MEI1: variants seen among roughly 807,000 people sequenced by gnomAD.
The protein encoded by MEI1 is meiotic double-stranded break formation protein 1.
A neutral mutation model predicts 146.2 loss-of-function variants in MEI1; 103 were observed. The ratio of observed to expected loss-of-function variants is 0.70; its 90% confidence interval spans 0.60 to 0.83. The LOEUF (loss-of-function observed/expected upper bound fraction) is 0.83. Ranked by LOEUF, MEI1 falls within the 40% of genes least tolerant of loss-of-function variation. MEI1 has a pLI of 0.00. For synonymous variants in MEI1, 652 were observed against 628.2 expected, an observed-to-expected ratio of 1.04 and a Z score of -0.57; for missense variants, 1,529 against 1,533.0, an observed-to-expected ratio of 1.00 and a Z score of 0.04.
intron 24 of MEI1, among the ~76,000 whole-genome samples, chr22:41,782,629 A>T (rs1447094340): frequency 6.6e-6 from 1 of 152,228 alleles, no homozygotes; most frequent in Admixed American, 6.5e-5. Context: ...CAGAAGTGAC[A>T]TGAGTTTTAA....
At chr22:41,702,880 C>A (rs73424981) in intron 1 of MEI1, among the ~76,000 whole-genome samples, 4 of 151,978 alleles carry the variant, frequency 2.6e-5, no homozygotes. Context: ...CCACCATGCC[C>A]GAGTAATTTT....
intron 1 of MEI1, among the ~76,000 whole-genome samples, chr22:41,700,258 G>T (rs1242428462): frequency 6.6e-6 from 1 of 152,228 alleles, no homozygotes; most frequent in Non-Finnish European, 1.5e-5. Flanking sequence ...GGGTGAACGG[G>T]AAGACTGTTC....
At chr22:41,710,909 GTGT>G (rs1569150826) in intron 3 of MEI1, among the ~76,000 whole-genome samples, 2 of 152,190 alleles carry the variant, frequency 1.3e-5, no homozygotes, top group African/African-American at 4.8e-5. Flanking sequence ...GGGAAAGTCC[GTGT>G]TGTTGAGCCC....
chr22:41,722,774 G>A lies in MEI1; in HGVS notation c.734-1169G>A, dbSNP rs117518058. On this transcript the variant is annotated intron_variant, in intron 6 of 30. Transcript: ENST00000401548. ...TTAGATGATTCATTTGATTTCCTGCGGTCCTCTGGGCTTTTTTCCACATTA... is the reference window on the plus strand; with the variant it reads ...TTAGATGATTCATTTGATTTCCTGCAGTCCTCTGGGCTTTTTTCCACATTA... Among the ~76,000 whole-genome samples, 549 of 151,956 alleles carry A rather than the reference G, an allele frequency of 3.6e-3. 5 individuals are homozygous for A. The highest frequency in any genetic ancestry group is 5.5e-3 in the Non-Finnish European group (373 of 67,962).
intron 6 of MEI1, among the ~76,000 whole-genome samples, chr22:41,719,127 C>T (rs1401751768): frequency 1.3e-5 from 2 of 151,934 alleles, no homozygotes; most frequent in South Asian, 2.1e-4. Flanking sequence ...GGACTACAGG[C>T]GCCTGCCACC....
chr22:41,797,886 T>G lies in MEI1; in HGVS notation c.3780-1368T>G, dbSNP rs1410694802. 2.0e-5 allele frequency among the ~76,000 whole-genome samples: 3 copies of G among 152,154 alleles called. No homozygotes were observed. The East Asian group carries it at 5.8e-4, about 29-fold the overall frequency. On this transcript the variant is annotated intron_variant, in intron 30 of 30. Coordinates refer to ENST00000401548, the MANE Select transcript of MEI1 (RefSeq NM_152513.4). Reference sequence around the variant, plus strand: ...AAAACAGCTCCTGGCTTGGTGTGAATGTTATATTGGTGTCTGTTATTATTC... The same window carrying G: ...AAAACAGCTCCTGGCTTGGTGTGAAGGTTATATTGGTGTCTGTTATTATTC...
At chr22:41,718,992 T>G (rs1027804682) in intron 6 of MEI1, among the ~76,000 whole-genome samples, 3 of 147,944 alleles carry the variant, frequency 2.0e-5, no homozygotes, top group Non-Finnish European at 4.5e-5. Flanking sequence ...TTTTTTTTTT[T>G]TTTTTTTTGA....
chr22:41,778,182 A>C (rs2075566151), intron 21 of MEI1, among the ~76,000 whole-genome samples: 1 of 152,172 alleles, frequency 6.6e-6, no homozygotes, highest in African/African-American at 2.4e-5. Context: ...CACATGACAG[A>C]AGGGGTGAGG....
chr22:41,776,301 C>G, intron 21 of MEI1, 34 bp downstream of exon 21: 7 of 1,610,146 alleles, frequency 4.3e-6, no homozygotes, highest in Non-Finnish European at 5.9e-6. Context: ...ACACTTTGAC[C>G]TGAAAGCCAG....
Position 41,744,989 on chromosome 22 carries a change from G to C in MEI1, c.1463G>C (p.Arg488Thr). Residue 488 changes from arginine (R) to threonine (T), a missense_variant, in exon 13 of 31, where the codon AGA (arginine) becomes ACA (threonine). This residue lies in a region of MEI1 where 1,212 missense variants were observed against 1,178.9 expected (regional missense o/e 1.03). Coordinates refer to ENST00000401548, the MANE Select transcript of MEI1 (RefSeq NM_152513.4). Reference sequence around the variant, plus strand: ...CCACCTCAGGGCCATGCCTCCAGTAGAGATTCAGAGAAGGCCATTCTTCAA... The same window carrying C: ...CCACCTCAGGGCCATGCCTCCAGTACAGATTCAGAGAAGGCCATTCTTCAA... ...SRRPLGHASS[R>T]DSEKAILQRG... The C allele has an allele frequency of 1.3e-6, 2 of 1,558,674 alleles. No individual in the cohort carries two copies. Among genetic ancestry groups the C allele is most frequent in the South Asian group, 1.2e-5 (1 of 83,434 alleles).
At chr22:41,778,646 T>G (rs773052112) in intron 21 of MEI1, 62 bp from the exon 22 acceptor site, 4 of 1,282,106 alleles carry the variant, frequency 3.1e-6, no homozygotes, top group Non-Finnish European at 4.4e-6. Context: ...CAGGGCAGGG[T>G]GTCTGACCTT....
Position 41,716,084 on chromosome 22 carries a change from CCCTT to C in MEI1, c.469_472del (p.Leu158AlafsTer15). ...ATGCGAGGCAGCCTGGCCACCCTGACCCTTCTTGGCAAGTTGGTGGATGCCATCC... is the reference window on the plus strand; with the variant it reads ...ATGCGAGGCAGCCTGGCCACCCTGACCTTGGCAAGTTGGTGGATGCCATCC... On this transcript the variant is annotated frameshift_variant, in exon 5 of 31. Transcript: ENST00000401548. LOFTEE classifies it high-confidence loss of function. 6.2e-7 allele frequency: 1 copy of C among 1,612,070 alleles called. No individual in the cohort carries two copies. Among genetic ancestry groups the C allele is most frequent in the Non-Finnish European group, 8.5e-7 (1 of 1,179,164 alleles).
chr22:41,794,355 C>T lies in MEI1; in HGVS notation c.3428-16C>T. 6.2e-7 allele frequency: 1 copy of T among 1,607,500 alleles called. No individual in the cohort carries two copies. The highest frequency in any genetic ancestry group is 8.5e-7 in the Non-Finnish European group (1 of 1,173,982). ...GCAAGGTCTTGGAAGCATTAACAAC[C>T]CAGTGTTTCTTGAAGCTCTCCACGT... On this transcript the variant is annotated splice_polypyrimidine_tract_variant and intron_variant, in intron 27 of 30. Coordinates refer to ENST00000401548, the MANE Select transcript of MEI1 (RefSeq NM_152513.4).
In MEI1 at chr22:41,758,522, C is replaced by G. The variant is rs1242144309; in HGVS notation, c.2109C>G (p.Ile703Met). 1 of 1,612,640 alleles carries G rather than the reference C, an allele frequency of 6.2e-7. No homozygotes were observed. The highest frequency in any genetic ancestry group is 8.5e-7 in the Non-Finnish European group (1 of 1,179,224). The change falls in exon 18 of 31, where the codon ATC becomes ATG. Residue 703 changes from isoleucine to methionine, a missense_variant. Physicochemically the swap from Ile to Met is conservative, Grantham distance 10 (BLOSUM62 1). Transcript: ENST00000401548. The part of the protein sequence containing the change: ...CILLLFYLAY[I>M]HEDRFVSEAE... ...TGCTCCTCTTCTACTTGGCCTACAT[C>G]CATGAAGACAGGTCAGTGCACAGAG...
chr22:41,747,969 T>G (rs2073455788), intron 14 of MEI1, 138 bp from the exon 15 acceptor site: 1 of 641,920 alleles, frequency 1.6e-6, no homozygotes, highest in Non-Finnish European at 2.8e-6. Flanking sequence ...AGATGTAGGT[T>G]TGGACTTTAA....
rs1270360994 is a variant in MEI1 at position 41,699,722 on chromosome 22, G to C, written c.174+10G>C. 1.3e-6 allele frequency: 2 copies of C among 1,550,544 alleles called. No individual in the cohort carries two copies. The highest frequency in any genetic ancestry group is 2.7e-5 in the African/African-American group (2 of 73,316). ...GGACCCCGGCGTGTCGGTGCGGGCG[G>C]AACCTTTTCTTCAGAAGACCTGGGT... On this transcript the variant is annotated intron_variant, in intron 1 of 30. Coordinates refer to ENST00000401548, the MANE Select transcript of MEI1 (RefSeq NM_152513.4).
intron 21 of MEI1, among the ~76,000 whole-genome samples, 184 bp downstream of exon 21, chr22:41,776,451 A>G (rs539519375): frequency 6.6e-6 from 1 of 152,372 alleles, no homozygotes; most frequent in African/African-American, 2.4e-5. Context: ...GGCGTACAAC[A>G]TGCTTGGTTT....
Position 41,745,935 on chromosome 22 carries a change from C to T in MEI1, c.1589C>T (p.Thr530Ile), listed in dbSNP as rs780731130. 1 of 1,613,538 alleles carries T rather than the reference C, an allele frequency of 6.2e-7. No homozygotes were observed. The highest frequency in any genetic ancestry group is 1.1e-5 in the South Asian group (1 of 91,048). ...SEPSAQENPF[T>I]APSAKKEDTL... The stretch of plus-strand genomic sequence containing the variant: ...CCTTCAGCCCAGGAGAATCCATTCA[C>T]AGCTCCCAGCGCCAAGAAGGAAGAC... Residue 530 changes from threonine (T) to isoleucine (I), a missense_variant, in exon 14 of 31, where the codon ACA becomes ATA. By Grantham distance (89) the Thr-to-Ile change is moderately conservative. Transcript: ENST00000401548.
rs367857762 is a variant in MEI1, at chr22:41,730,427, T to C, written c.980-94T>C. 35 of 779,448 alleles carry C rather than the reference T, an allele frequency of 4.5e-5. 1 individual carries two copies. Among genetic ancestry groups the C allele is most frequent in the East Asian group, 2.3e-4 (9 of 39,066 alleles). 48.3% of individuals were successfully genotyped at this position (779,448 alleles called of 1,614,324 possible). ...ATGTGAACAGATGAAGTAGCAAGAG[T>C]AAGGTGCTGAATAAATCCAAGGCCT... On this transcript the variant is annotated intron_variant, in intron 8 of 30. Transcript: ENST00000401548.
Sources: allele counts gnomAD v4.1 joint callset (sites outside exome capture counted in the v4.1 genomes callset), GRCh38; gene constraint gnomAD v4.1.1; regional missense constraint gnomAD v4.1.1; transcripts MANE v1.5; gene names NCBI Gene and HGNC (gene_info 2026-07-23, HGNC 2026-07-21).